Variants in LRP4 observed in about 807,000 individuals in gnomAD.
The protein encoded by LRP4 is low-density lipoprotein receptor-related protein 4.
Under a neutral mutation model 220.3 loss-of-function variants are expected in LRP4, and 95 were observed. The observed-to-expected ratio is 0.43, with a 90% confidence interval of 0.37 to 0.51. The LOEUF (loss-of-function observed/expected upper bound fraction) is 0.51, where lower values mean the gene tolerates loss of function less well. Among genes scored for constraint, LRP4 ranks in the 20% least tolerant of loss-of-function variants. The probability of loss-of-function intolerance (pLI) is 0.00; values close to 1 mark genes in which losing one functional copy is unlikely to be tolerated. For synonymous variants in LRP4, 903 were observed against 954.6 expected (o/e 0.95, Z 1.00); for missense variants, 1,925 against 2,567.0 (o/e 0.75, Z 5.40).
At chr11:46,883,157 TAAGG>T (rs1192809248) in intron 19 of LRP4, among the ~76,000 whole-genome samples, 1 of 152,220 alleles carries the variant, frequency 6.6e-6, no homozygotes, top group Non-Finnish European at 1.5e-5. Flanking sequence ...AAAAAAAAGA[TAAGG>T]AAAGAAAGAA....
At chr11:46,889,783 C>G in intron 15 of LRP4, 161 bp downstream of exon 15, 2 of 882,872 alleles carry the variant, frequency 2.3e-6, no homozygotes, top group Non-Finnish European at 3.6e-6. Flanking sequence ...TTGTACTGCC[C>G]CGAATGTCCA....
At chr11:46,882,382 T>A (rs1291603642) in intron 19 of LRP4, among the ~76,000 whole-genome samples, 1 of 150,736 alleles carries the variant, frequency 6.6e-6, no homozygotes, top group Non-Finnish European at 1.5e-5. Context: ...GAGGCTGAGA[T>A]AGGAGGATCA....
intron 1 of LRP4, among the ~76,000 whole-genome samples, chr11:46,914,637 C>T: frequency 6.6e-6 from 1 of 152,198 alleles, no homozygotes. Context: ...GTCTGGGGCC[C>T]AGATGCCCCA....
At chr11:46,900,437 A>G in intron 2 of LRP4, 59 bp from the exon 3 acceptor site, 1 of 1,042,214 alleles carries the variant, frequency 9.6e-7, no homozygotes, top group South Asian at 1.3e-5. Context: ...CTCAGGCTCA[A>G]CTAGGCCAGA....
In LRP4 at chr11:46,918,401, C is replaced by CCGGGGTCCCG; in HGVS notation, c.-32_-23dup. The CCGGGGTCCCG allele has an allele frequency of 7.1e-7, 1 of 1,399,938 alleles. No individual in the cohort carries two copies. Among genetic ancestry groups the CCGGGGTCCCG allele is most frequent in the Non-Finnish European group, 9.3e-7 (1 of 1,078,234 alleles). The allele number at this position is 1,399,938 out of a possible 1,614,324, so 86.7% of individuals were successfully genotyped here. A position where few individuals can be genotyped will look rare whatever the true frequency, so the allele number is the denominator to read the frequency against. On this transcript the variant is annotated 5_prime_UTR_variant, in exon 1 of 38. Coordinates refer to ENST00000378623, the MANE Select transcript of LRP4 (RefSeq NM_002334.4). The surrounding 1 kb of genome is among the most constrained non-coding windows in gnomAD (Gnocchi z 6.0). ...TCATGGTGCCGCCCGCGCCGCTCGC[C>CCGGGGTCCCG]CGGGGTCCCGCCGGCTCCCGCCGGA...
intron 25 of LRP4, 89 bp downstream of exon 25, chr11:46,876,377 G>T: frequency 6.6e-7 from 1 of 1,505,294 alleles, no homozygotes; most frequent in Non-Finnish European, 9.2e-7. Context: ...TGTGATGCAA[G>T]CTTCCTCTCC....
intron 28 of LRP4, chr11:46,874,225 T>C (rs1592521584): frequency 6.2e-6 from 1 of 162,340 alleles, no homozygotes; most frequent in East Asian, 1.7e-4. Context: ...TGTCCCCAGT[T>C]TGAGATTCTA....
chr11:46,864,561 CA>C, intron 35 of LRP4, 26 bp from the exon 36 acceptor site: 1 of 1,483,026 alleles, frequency 6.7e-7, no homozygotes, highest in Non-Finnish European at 9.4e-7. Flanking sequence ...AAACACTAGG[CA>C]GGGGCCACCG....
intron 31 of LRP4, among the ~76,000 whole-genome samples, chr11:46,869,519 A>T (rs538064236): frequency 6.6e-6 from 1 of 152,284 alleles, no homozygotes; most frequent in African/African-American, 2.4e-5. Flanking sequence ...TCTCTAGCAA[A>T]TAGGAGGAAA....
At chr11:46,911,098 A>G (rs572338519) in intron 1 of LRP4, among the ~76,000 whole-genome samples, 2 of 152,358 alleles carry the variant, frequency 1.3e-5, no homozygotes, top group East Asian at 3.8e-4. Context: ...ATCAGGAGTA[A>G]TAACAGTATC....
chr11:46,885,584 C>A (rs916403138), intron 18 of LRP4, among the ~76,000 whole-genome samples: 12 of 152,004 alleles, frequency 7.9e-5, no homozygotes, highest in Non-Finnish European at 1.5e-4. Context: ...CCATCCTGGC[C>A]AACATGGTGA....
chr11:46,866,198 T>C (rs183204527), intron 34 of LRP4, among the ~76,000 whole-genome samples: 61 of 152,114 alleles, frequency 4.0e-4, no homozygotes, highest in Middle Eastern at 6.8e-3. Flanking sequence ...ATCAAAACAT[T>C]AAGAGTAAAT....
chr11:46,898,954 T>G lies in LRP4; in HGVS notation c.626A>C (p.His209Pro). ...TCCACAGTCATCGTCGCCATCGCAG[T>G]GGTAGATGTCGAGGATGCAGCGTCC... ...AYGRCILDIYHCDGDDDCGDW... is the reference protein window; with the variant it reads ...AYGRCILDIYPCDGDDDCGDW... The change falls in exon 6 of 38, where the codon CAC (histidine) becomes CCC (proline). Residue 209 changes from histidine to proline, a missense_variant. Physicochemically the swap from His to Pro is moderately conservative, Grantham distance 77. Transcript: ENST00000378623. The G allele has an allele frequency of 6.2e-7, 1 of 1,613,600 alleles. No individual in the cohort carries two copies. Among genetic ancestry groups the G allele is most frequent in the Non-Finnish European group, 8.5e-7 (1 of 1,179,928 alleles).
At chr11:46,913,519 T>G (rs78623764) in intron 1 of LRP4, among the ~76,000 whole-genome samples, 2,828 of 152,196 alleles carry the variant, frequency 0.019, 81 homozygotes, top group African/African-American at 0.065. Context: ...GCTTCCTGAT[T>G]GAAAATGGTA....
chr11:46,881,715 C>A lies in LRP4; in HGVS notation c.2801G>T (p.Gly934Val). The A allele has an allele frequency of 6.2e-7, 1 of 1,614,068 alleles. No individual in the cohort carries two copies. The highest frequency in any genetic ancestry group is 1.3e-5 in the African/African-American group (1 of 74,952). ...MKTIEFAGLD[G>V]SKRKVLIGSQ... ...TGCCACCCTTACCTTCCTCTTACTG[C>A]CATCCAGTCCAGCAAATTCAATTGT... Residue 934 changes from glycine (G) to valine (V), a missense_variant, in exon 20 of 38, where the codon GGC becomes GTC. Around this residue, in one of 3 missense-constraint regions of LRP4, gnomAD observed 1,244 missense variants for 1,624.9 expected, o/e 0.77. Coordinates refer to ENST00000378623, the MANE Select transcript of LRP4 (RefSeq NM_002334.4).
intron 15 of LRP4, 61 bp downstream of exon 15, chr11:46,889,883 G>A (rs1592536175): frequency 6.3e-7 from 1 of 1,580,056 alleles, no homozygotes; most frequent in African/African-American, 1.3e-5. Flanking sequence ...GGTTCTCAGA[G>A]GCACCAGAGG....
chr11:46,915,249 T>C (rs2134892436), intron 1 of LRP4, among the ~76,000 whole-genome samples: 1 of 152,332 alleles, frequency 6.6e-6, no homozygotes, highest in East Asian at 1.9e-4. Context: ...CTCAGCTCAA[T>C]TGCTCTGCAC....
At chr11:46,864,675 C>T in intron 35 of LRP4, 140 bp from the exon 36 acceptor site, 1 of 696,022 alleles carries the variant, frequency 1.4e-6, no homozygotes, top group South Asian at 1.5e-5. Flanking sequence ...GCCTCCTTTT[C>T]AGATAGGTAA....
intron 1 of LRP4, among the ~76,000 whole-genome samples, chr11:46,914,645 C>T (rs1454228695): frequency 6.6e-6 from 1 of 152,144 alleles, no homozygotes; most frequent in Non-Finnish European, 1.5e-5. Context: ...CCCAGATGCC[C>T]CATGTCCAGG....
Sources: allele counts gnomAD v4.1 joint callset (sites outside exome capture counted in the v4.1 genomes callset), GRCh38; gene constraint gnomAD v4.1.1; regional missense constraint gnomAD v4.1.1; non-coding constraint Gnocchi (gnomAD v3.1); transcripts MANE v1.5; gene names NCBI Gene and HGNC (gene_info 2026-07-23, HGNC 2026-07-21).